The following SDK2 variants were observed in gnomAD, a reference collection of about 807,000 sequenced individuals.
SDK2 encodes the protein protein sidekick-2.
Under a neutral mutation model 253.9 loss-of-function variants are expected in SDK2, and 105 were observed. That is an observed-to-expected ratio of 0.41 (90% CI 0.35 to 0.49). SDK2 has a LOEUF of 0.49. Ranked by LOEUF, SDK2 falls within the 20% of genes least tolerant of loss-of-function variation. The pLI is 0.06. For synonymous variants in SDK2, 1,249 were observed against 1,234.9 expected (o/e 1.01, Z -0.24); for missense variants, 2,608 against 3,003.0 (o/e 0.87, Z 3.07).
intron 1 of SDK2, among the ~76,000 whole-genome samples, chr17:73,537,886 AAC>A (rs2044805085): frequency 6.6e-6 from 1 of 152,080 alleles, no homozygotes; most frequent in African/African-American, 2.4e-5. Context: ...AAAATAACAA[AAC>A]AGTTTCTCCA....
Position 73,500,164 on chromosome 17 carries a change from T to C in SDK2, c.224+7274A>G, listed in dbSNP as rs139858024. Among the ~76,000 whole-genome samples the C allele has an allele frequency of 4.3e-3, 562 of 129,538 alleles. 6 individuals carry two copies. The East Asian group carries it at 0.046, about 11-fold the overall frequency. 85.0% of individuals were successfully genotyped at this position (129,538 alleles called of 152,430 possible). A position where few individuals can be genotyped will look rare whatever the true frequency, so the allele number is the denominator to read the frequency against. On this transcript the variant is annotated intron_variant, in intron 2 of 44. Coordinates refer to ENST00000392650, the MANE Select transcript of SDK2 (RefSeq NM_001144952.2). Reference sequence around the variant, plus strand: ...CCTCCCTCCACTCTCCTCCATTCTCTGTCCATCCTCCCTCCATTCTCCTCC... The same window carrying C: ...CCTCCCTCCACTCTCCTCCATTCTCCGTCCATCCTCCCTCCATTCTCCTCC...
chr17:73,552,034 G>C (rs2045067432), intron 1 of SDK2, among the ~76,000 whole-genome samples: 2 of 152,158 alleles, frequency 1.3e-5, no homozygotes, highest in Non-Finnish European at 2.9e-5. Flanking sequence ...AGGCAACCTA[G>C]AGTCAGGCAG....
intron 1 of SDK2, among the ~76,000 whole-genome samples, chr17:73,569,326 T>C (rs898075794): frequency 6.6e-6 from 1 of 151,808 alleles, no homozygotes; most frequent in African/African-American, 2.4e-5. Flanking sequence ...GCCTCCTGAG[T>C]AGCTGGGATT....
intron 2 of SDK2, among the ~76,000 whole-genome samples, chr17:73,485,436 G>C (rs1287069510): frequency 6.6e-6 from 1 of 152,208 alleles, no homozygotes; most frequent in Non-Finnish European, 1.5e-5. Flanking sequence ...GCCTGGCTGG[G>C]ATAACGGGGA....
In SDK2 at chr17:73,603,297, T is replaced by C. The variant is rs1397774640; in HGVS notation, c.64+40728A>G. Among the ~76,000 whole-genome samples, 5 of 152,288 alleles carry C rather than the reference T, an allele frequency of 3.3e-5. No individual in the cohort carries two copies. The East Asian group carries it at 7.7e-4, about 24-fold the overall frequency. On this transcript the variant is annotated intron_variant, in intron 1 of 44. Transcript: ENST00000392650. ...AGTGTATCTATCCTGGAAGTGACCA[T>C]TGCTGCCTGGCCATGCGGGCAGAGG... is the stretch of plus-strand genomic sequence containing the variant.
rs956441503 is a variant in SDK2 at position 73,447,029 on chromosome 17, T to G, written c.613+586A>C. ...TCACGCTTTTGTGTGTGTCTCACTG[T>G]GTGGTGAGTTCTAGGGAGGGCTTTG... On this transcript the variant is annotated intron_variant, in intron 5 of 44. Transcript: ENST00000392650. This position sits in a 1 kb window ranked among gnomAD's most constrained non-coding sequence, Gnocchi z 4.0. 6.6e-6 allele frequency among the ~76,000 whole-genome samples: 1 copy of G among 152,176 alleles called. No homozygotes were observed. Among genetic ancestry groups the G allele is most frequent in the African/African-American group, 2.4e-5 (1 of 41,450 alleles).
intron 44 of SDK2, among the ~76,000 whole-genome samples, chr17:73,340,738 T>TG (rs1280698127): frequency 9.4e-5 from 10 of 106,560 alleles, no homozygotes; most frequent in African/African-American, 3.0e-4. Context: ...CTTAAAGTTT[T>TG]TTTTTTTTTT....
chr17:73,544,135 C>A lies in SDK2; in HGVS notation c.65-36538G>T, dbSNP rs2044917242. Among the ~76,000 whole-genome samples the A allele has an allele frequency of 2.6e-5, 4 of 152,202 alleles. No homozygotes were observed. The South Asian group carries it at 8.3e-4, about 31-fold the overall frequency. ...TAAAGGTTTATCCCATAATGACGGT[C>A]CCCTGTATGTACAAAGAGGCTTTCC... On this transcript the variant is annotated intron_variant, in intron 1 of 44. Transcript: ENST00000392650.
chr17:73,336,765 C>G lies in SDK2; in HGVS notation c.*1822G>C, dbSNP rs1034380407. ...AGCATCATCTCTTGGGCAGGGCCAG[C>G]AGCGCCTGTACACAGTGCACAGAGG... On this transcript the variant is annotated 3_prime_UTR_variant, in exon 45 of 45. Transcript: ENST00000392650. 2 of 152,694 alleles carry G rather than the reference C, an allele frequency of 1.3e-5. No individual in the cohort carries two copies. Among genetic ancestry groups the G allele is most frequent in the African/African-American group, 4.8e-5 (2 of 41,400 alleles). The allele number at this position is 152,694 out of a possible 1,614,324, so 9.5% of individuals were successfully genotyped here.
chr17:73,374,865 CCA>C (rs2062764644), intron 36 of SDK2, among the ~76,000 whole-genome samples: 1 of 152,148 alleles, frequency 6.6e-6, no homozygotes, highest in African/African-American at 2.4e-5. Flanking sequence ...CCTTCATGGC[CCA>C]CCCGGATAGT....
intron 1 of SDK2, among the ~76,000 whole-genome samples, chr17:73,549,319 A>C (rs2045018513): frequency 6.6e-6 from 1 of 152,196 alleles, no homozygotes; most frequent in African/African-American, 2.4e-5. Context: ...TCACTGTTGA[A>C]GAAAGCTTCC....
intron 1 of SDK2, among the ~76,000 whole-genome samples, chr17:73,553,337 C>A (rs1221828991): frequency 6.6e-6 from 1 of 152,236 alleles, no homozygotes; most frequent in East Asian, 1.9e-4. Context: ...GGACTTACTG[C>A]CTATTTAATA....
rs1308060454 is a variant in SDK2 at position 73,395,156 on chromosome 17, T to G, written c.3591A>C (p.Ser1197=). ...TGGCTGGGTGTGAGGGGTTGGTACC[T>G]GACTCCCGGGTCCTGCCCACCACCG... The part of the protein sequence containing the change: ...SQTVVGRTRE[S]VPSSGPTNVS... Residue 1197 remains serine, a splice_region_variant and synonymous_variant, in exon 25 of 45, where the codon TCA becomes TCC. Coordinates refer to ENST00000392650, the MANE Select transcript of SDK2 (RefSeq NM_001144952.2). This position sits in a 1 kb window ranked among gnomAD's most constrained non-coding sequence, Gnocchi z 4.3. 6.3e-7 allele frequency: 1 copy of G among 1,584,460 alleles called. No individual in the cohort carries two copies. Among genetic ancestry groups the G allele is most frequent in the African/African-American group, 1.3e-5 (1 of 74,260 alleles).
chr17:73,395,047 C>T lies in SDK2; in HGVS notation c.3592+108G>A. The stretch of plus-strand genomic sequence containing the variant: ...CATAAGCAGAGGAAATGAGCTCAGG[C>T]TGTTTTTGAACAACACCTTCAGCCT... On this transcript the variant is annotated intron_variant, in intron 25 of 44. Coordinates refer to ENST00000392650, the MANE Select transcript of SDK2 (RefSeq NM_001144952.2). The surrounding 1 kb of genome is among the most constrained non-coding windows in gnomAD (Gnocchi z 4.3). 1 of 798,172 alleles carries T rather than the reference C, an allele frequency of 1.3e-6. No individual in the cohort carries two copies. 49.4% of individuals were successfully genotyped at this position (798,172 alleles called of 1,614,324 possible).
chr17:73,525,384 A>G (rs1447168003), intron 1 of SDK2, among the ~76,000 whole-genome samples: 2 of 152,170 alleles, frequency 1.3e-5, no homozygotes, highest in African/African-American at 4.8e-5. Flanking sequence ...CCAGCAAGGG[A>G]AAGGGAGAGT....
intron 4 of SDK2, among the ~76,000 whole-genome samples, chr17:73,454,205 C>T (rs891900275): frequency 3.3e-5 from 5 of 152,228 alleles, no homozygotes; most frequent in African/African-American, 1.2e-4. Context: ...GTATCTCTGC[C>T]ATTAAGCAAC....
chr17:73,598,167 C>T (rs1376647546), intron 1 of SDK2, among the ~76,000 whole-genome samples: 1 of 152,172 alleles, frequency 6.6e-6, no homozygotes, highest in Non-Finnish European at 1.5e-5. Context: ...CAGCCACCCT[C>T]CCACCATTCA....
At chr17:73,585,317 C>A (rs931987489) in intron 1 of SDK2, among the ~76,000 whole-genome samples, 1 of 152,220 alleles carries the variant, frequency 6.6e-6, no homozygotes, top group African/African-American at 2.4e-5. Context: ...AAGTCTGGAG[C>A]CTGTGCAAGG....
chr17:73,472,070 C>A, intron 3 of SDK2, 42 bp downstream of exon 3: 1 of 1,439,284 alleles, frequency 6.9e-7, no homozygotes, highest in Non-Finnish European at 9.5e-7. Context: ...CACTCTGGCA[C>A]CACAGTCGCC....
Sources: allele counts gnomAD v4.1 joint callset (sites outside exome capture counted in the v4.1 genomes callset), GRCh38; gene constraint gnomAD v4.1.1; non-coding constraint Gnocchi (gnomAD v3.1); transcripts MANE v1.5; gene names NCBI Gene and HGNC (gene_info 2026-07-23, HGNC 2026-07-21).